The following MTOR variants were observed in gnomAD, a reference collection of about 807,000 sequenced individuals.
MTOR encodes serine/threonine-protein kinase mTOR.
Under a neutral mutation model 319.8 loss-of-function variants are expected in MTOR, and 70 were observed. The observed-to-expected ratio is 0.22, with a 90% CI of 0.18 to 0.27. MTOR has a LOEUF of 0.27. Ranked by LOEUF, MTOR falls within the 10% of genes least tolerant of loss-of-function variation. The pLI is 1.00. For missense variants in MTOR, 1,890 were observed against 3,274.4 expected (o/e 0.58, Z 10.32); for synonymous variants, 1,183 against 1,211.4 (o/e 0.98, Z 0.49).
intron 30 of MTOR, among the ~76,000 whole-genome samples, chr1:11,156,878 G>T (rs1644335015): frequency 6.6e-6 from 1 of 152,208 alleles, no homozygotes; most frequent in South Asian, 2.1e-4. Context: ...AAGATCAGGA[G>T]AGTAGACAGG....
intron 32 of MTOR, 117 bp downstream of exon 32, chr1:11,146,559 C>T: frequency 1.3e-6 from 1 of 750,472 alleles, no homozygotes. Context: ...AATGTACTCA[C>T]AGAGCCGAGT....
At chr1:11,149,169 T>C (rs908341211) in intron 31 of MTOR, 1 of 152,168 alleles carries the variant, frequency 6.6e-6, no homozygotes, top group Non-Finnish European at 1.5e-5. Flanking sequence ...CCCACTAACC[T>C]TACAGAATAT....
chr1:11,126,524 A>C (rs1046898958), intron 46 of MTOR, 98 bp downstream of exon 46: 29 of 1,319,504 alleles, frequency 2.2e-5, no homozygotes, highest in Middle Eastern at 2.7e-4. Context: ...ATGATAGGTG[A>C]GTAGTGGGAA....
At chr1:11,116,162 T>A (rs896025300) in intron 50 of MTOR, among the ~76,000 whole-genome samples, 2 of 152,238 alleles carry the variant, frequency 1.3e-5, no homozygotes, top group Non-Finnish European at 2.9e-5. Context: ...GTAAATTACA[T>A]GTTCAGTCAG....
chr1:11,231,525 T>G, intron 16 of MTOR, 91 bp from the exon 17 acceptor site: 11 of 1,475,790 alleles, frequency 7.5e-6, no homozygotes, highest in Non-Finnish European at 1.0e-5. Flanking sequence ...TAATGAAGTG[T>G]TAGAGGCTGT....
intron 49 of MTOR, among the ~76,000 whole-genome samples, chr1:11,120,486 C>T (rs981813676): frequency 1.3e-5 from 2 of 150,248 alleles, no homozygotes; most frequent in African/African-American, 2.5e-5. Flanking sequence ...TGCAGTGAGC[C>T]GAGATCTTGC....
chr1:11,255,781 AG>A (rs1157921802), intron 5 of MTOR, among the ~76,000 whole-genome samples: 1 of 143,558 alleles, frequency 7.0e-6, no homozygotes, highest in Non-Finnish European at 1.5e-5. Context: ...CAAGAGGCGG[AG>A]GTTGCAGTGA....
In MTOR at chr1:11,150,304, T is replaced by C. The variant is rs529635911; in HGVS notation, c.4470-78A>G. The C allele has an allele frequency of 5.5e-6, 7 of 1,266,872 alleles. No homozygotes were observed. In the East Asian group the frequency reaches 1.0e-4, roughly 18 times the overall value. 78.5% of individuals were successfully genotyped at this position (1,266,872 alleles called of 1,614,324 possible). On this transcript the variant is annotated intron_variant, in intron 30 of 57. Transcript: ENST00000361445. ...AATCTTCCTCTCCTGCCCCTTGGGTTAGGTGAGGACTACACAGGAACTGGA... is the reference window on the plus strand; with the variant it reads ...AATCTTCCTCTCCTGCCCCTTGGGTCAGGTGAGGACTACACAGGAACTGGA...
At chr1:11,215,615 T>C (rs1428868612) in intron 20 of MTOR, among the ~76,000 whole-genome samples, 1 of 152,214 alleles carries the variant, frequency 6.6e-6, no homozygotes, top group African/African-American at 2.4e-5. Flanking sequence ...GGGTGTCTTC[T>C]GGCACCTACT....
intron 19 of MTOR, among the ~76,000 whole-genome samples, chr1:11,221,578 AT>A (rs1402257453): frequency 1.3e-5 from 2 of 151,550 alleles, no homozygotes; most frequent in Non-Finnish European, 1.5e-5. Flanking sequence ...GCTTGGAGTA[AT>A]TTTTTTCCGC....
intron 36 of MTOR, 196 bp downstream of exon 36, chr1:11,139,108 A>G: frequency 1.5e-6 from 1 of 665,190 alleles, no homozygotes; most frequent in Non-Finnish European, 2.5e-6. Context: ...GATCAATGGT[A>G]TACACACCAT....
intron 30 of MTOR, among the ~76,000 whole-genome samples, chr1:11,155,928 T>G (rs941096617): frequency 6.6e-6 from 1 of 152,162 alleles, no homozygotes; most frequent in Admixed American, 6.5e-5. Flanking sequence ...CCAGAGAAAG[T>G]AGGGATAACC....
Position 11,117,034 on chromosome 1 carries a change from A to G in MTOR, c.6986T>C (p.Met2329Thr). 1 of 1,613,350 alleles carries G rather than the reference A, an allele frequency of 6.2e-7. No homozygotes were observed. Among genetic ancestry groups the G allele is most frequent in the Non-Finnish European group, 8.5e-7 (1 of 1,179,854 alleles). Residue 2329 changes from methionine (M) to threonine (T), a missense_variant, in exon 50 of 58, where the codon ATG becomes ACG. By Grantham distance (81) the Met-to-Thr change is moderately conservative (BLOSUM62 -1). Transcript: ENST00000361445. ...TCCCAGGCCTAAAATATACCCAACC[A>G]TTGACATGACCGCTAAAGAACGGGT... ...NYTRSLAVMS[M>T]VGYILGLGDR...
chr1:11,135,850 A>G (rs1236826065), intron 36 of MTOR, among the ~76,000 whole-genome samples: 3 of 139,804 alleles, frequency 2.1e-5, no homozygotes, highest in Non-Finnish European at 4.6e-5. Flanking sequence ...AGAAAAGAAA[A>G]AAGGCTGGGT....
chr1:11,253,484 C>T (rs138565049), intron 6 of MTOR, among the ~76,000 whole-genome samples: 47 of 152,210 alleles, frequency 3.1e-4, no homozygotes, highest in Non-Finnish European at 5.9e-4. Flanking sequence ...CCATACTTCC[C>T]TTTCTTCTGT....
At chr1:11,251,162 C>CT (rs966059243) in intron 6 of MTOR, among the ~76,000 whole-genome samples, 10 of 151,638 alleles carry the variant, frequency 6.6e-5, no homozygotes, top group Non-Finnish European at 1.3e-4. Flanking sequence ...TGTGATATGC[C>CT]CCTCCTTCCC....
At chr1:11,253,077 G>A (rs1350744166) in intron 6 of MTOR, among the ~76,000 whole-genome samples, 1 of 152,150 alleles carries the variant, frequency 6.6e-6, no homozygotes, top group African/African-American at 2.4e-5. Context: ...ACTTTGGCTT[G>A]AGGACCCCGC....
At chr1:11,194,707 A>T (rs1645712620) in intron 28 of MTOR, 2 of 1,612,020 alleles carry the variant, frequency 1.2e-6, no homozygotes, top group Non-Finnish European at 1.7e-6. Context: ...ACAAGCTCAT[A>T]ATCCCACTTG....
At chr1:11,189,482 C>G in intron 28 of MTOR, 1 of 1,391,534 alleles carries the variant, frequency 7.2e-7, no homozygotes, top group Non-Finnish European at 9.7e-7. Context: ...AGAGTGAAAG[C>G]GTAAGGTTCA....
Sources: gnomAD v4.1 joint callset for allele counts (sites outside exome capture counted in the v4.1 genomes callset) on GRCh38, gnomAD v4.1.1 for gene constraint, MANE v1.5 for transcripts, NCBI Gene and HGNC (gene_info 2026-07-23, HGNC 2026-07-21) for gene names.